Variants in PPARGC1A observed in about 807,000 individuals in gnomAD.
PPARGC1A encodes peroxisome proliferator-activated receptor gamma coactivator 1-alpha.
Under a neutral mutation model 88.7 loss-of-function variants are expected in PPARGC1A, and 25 were observed. That is an observed-to-expected ratio of 0.28 (90% CI 0.21 to 0.39). The LOEUF is 0.39. Among genes scored for constraint, PPARGC1A ranks in the 10% least tolerant of loss-of-function variants. The pLI, the probability that PPARGC1A is intolerant of heterozygous loss-of-function variation, is 1.00. For synonymous variants in PPARGC1A, 363 were observed against 355.6 expected, an observed-to-expected ratio of 1.02 and a Z score of -0.24; for missense variants, 880 against 968.7, an observed-to-expected ratio of 0.91 and a Z score of 1.22.
intron 2 of PPARGC1A, chr4:23,883,754 A>G (rs941447894): frequency 6.6e-6 from 1 of 152,222 alleles, no homozygotes; most frequent in African/African-American, 2.4e-5. Flanking sequence ...TTTAACAAAC[A>G]TTTATTCAGC....
At chr4:24,021,717 T>C in the PPARGC1A span, among the ~76,000 whole-genome samples, 1 of 152,214 alleles carries the variant, frequency 6.6e-6, no homozygotes, top group African/African-American at 2.4e-5. Context: ...TAATAACAAC[T>C]GTCCTACCTT....
At chr4:24,020,771 T>G in the PPARGC1A span, among the ~76,000 whole-genome samples, 1 of 152,142 alleles carries the variant, frequency 6.6e-6, no homozygotes, top group African/African-American at 2.4e-5. Flanking sequence ...ACCCCTTGTC[T>G]CCGAAGCCTC....
At chr4:24,030,858 A>C in the PPARGC1A span, among the ~76,000 whole-genome samples, 1 of 152,168 alleles carries the variant, frequency 6.6e-6, no homozygotes, top group African/African-American at 2.4e-5. Flanking sequence ...AGCCTCATTC[A>C]TTTGCTCACT....
chr4:24,270,235 C>T, the PPARGC1A span, among the ~76,000 whole-genome samples: 1 of 152,076 alleles, frequency 6.6e-6, no homozygotes, highest in South Asian at 2.1e-4. Context: ...GGCTCTCAGG[C>T]CTTCAGACTG....
At chr4:23,943,005 T>C in the PPARGC1A span, among the ~76,000 whole-genome samples, 1 of 152,206 alleles carries the variant, frequency 6.6e-6, no homozygotes, top group African/African-American at 2.4e-5. Context: ...TAGGTATAAT[T>C]TGAGTTGCAG....
the PPARGC1A span, among the ~76,000 whole-genome samples, chr4:24,463,928 C>T: frequency 6.6e-6 from 1 of 152,246 alleles, no homozygotes; most frequent in African/African-American, 2.4e-5. Context: ...TGACAATACT[C>T]TCAATCACCA....
chr4:23,818,885 T>G lies in PPARGC1A; in HGVS notation c.878-4280A>C, dbSNP rs534704402. On this transcript the variant is annotated intron_variant, in intron 7 of 12. Coordinates refer to ENST00000264867, the MANE Select transcript of PPARGC1A (RefSeq NM_013261.5). ...TTTTTTTTTGGAGTTTATAACATTT[T>G]GCAGAATGTACTGCAAAATCTGCAA... Among the ~76,000 whole-genome samples the G allele has an allele frequency of 2.0e-3, 281 of 139,216 alleles. 1 individual carries two copies. Among genetic ancestry groups the G allele is most frequent in the African/African-American group, 7.3e-3 (271 of 37,234 alleles). 91.3% of individuals were successfully genotyped at this position (139,216 alleles called of 152,430 possible). A position where few individuals can be genotyped will look rare whatever the true frequency, so the allele number is the denominator to read the frequency against.
At chr4:24,129,197 T>G in the PPARGC1A span, among the ~76,000 whole-genome samples, 1 of 151,026 alleles carries the variant, frequency 6.6e-6, no homozygotes, top group African/African-American at 2.4e-5. Flanking sequence ...GAAAGAGTGC[T>G]GGGAGCCGGA....
chr4:23,801,560 C>A (rs1718748508), intron 12 of PPARGC1A, among the ~76,000 whole-genome samples, 170 bp downstream of exon 12: 1 of 152,168 alleles, frequency 6.6e-6, no homozygotes, highest in African/African-American at 2.4e-5. Context: ...AAAACCTAGG[C>A]CCCTTTCTTC....
rs1717087000 is a variant in PPARGC1A at position 23,794,004 on chromosome 4, G to A, written c.*1818C>T. 1 of 152,510 alleles carries A rather than the reference G, an allele frequency of 6.6e-6. No individual in the cohort carries two copies. The highest frequency in any genetic ancestry group is 6.6e-5 in the Admixed American group (1 of 15,236). 9.4% of individuals were successfully genotyped at this position (152,510 alleles called of 1,614,324 possible). ...TGAAATATCAGTATTTATACAGGAT[G>A]CATAACTGTAAAAAATACAGATAAA... On this transcript the variant is annotated 3_prime_UTR_variant, in exon 13 of 13. Transcript: ENST00000264867.
chr4:24,222,739 C>T, the PPARGC1A span, among the ~76,000 whole-genome samples: 3 of 151,250 alleles, frequency 2.0e-5, no homozygotes, highest in Non-Finnish European at 4.4e-5. Flanking sequence ...ATTGAATCTC[C>T]TCCTTCACCT....
At chr4:24,065,570 G>C in the PPARGC1A span, among the ~76,000 whole-genome samples, 2 of 152,140 alleles carry the variant, frequency 1.3e-5, no homozygotes, top group African/African-American at 4.8e-5. Flanking sequence ...GTGCTAAAAG[G>C]TGTCTCTATT....
At chr4:24,428,233 G>A in the PPARGC1A span, among the ~76,000 whole-genome samples, 1,555 of 152,184 alleles carry the variant, frequency 0.01, 21 homozygotes, top group African/African-American at 0.036. Context: ...ATATTCGCAC[G>A]CATCCCAGCG....
chr4:24,400,229 G>A, the PPARGC1A span, among the ~76,000 whole-genome samples: 3 of 152,126 alleles, frequency 2.0e-5, no homozygotes, highest in Non-Finnish European at 2.9e-5. Flanking sequence ...GATGGGTGTC[G>A]CCAAAAGAGA....
At chr4:24,200,558 T>C in the PPARGC1A span, among the ~76,000 whole-genome samples, 6 of 149,946 alleles carry the variant, frequency 4.0e-5, no homozygotes, top group East Asian at 2.0e-4. Context: ...TAGCTTTCTA[T>C]AGAGTAGCAG....
the PPARGC1A span, among the ~76,000 whole-genome samples, chr4:24,147,633 C>T: frequency 6.6e-6 from 1 of 152,098 alleles, no homozygotes; most frequent in East Asian, 1.9e-4. Flanking sequence ...GGCCAATTAG[C>T]TCAAATTCTT....
At chr4:23,824,854 C>G (rs576463927) in intron 5 of PPARGC1A, among the ~76,000 whole-genome samples, 2 of 152,174 alleles carry the variant, frequency 1.3e-5, no homozygotes, top group South Asian at 4.1e-4. Flanking sequence ...GACAAGAAAA[C>G]AGCAGAGCAA....
At chr4:24,154,102 A>T in the PPARGC1A span, among the ~76,000 whole-genome samples, 2 of 150,726 alleles carry the variant, frequency 1.3e-5, no homozygotes, top group Non-Finnish European at 2.9e-5. Context: ...TGTTATTTTT[A>T]ATTTTCTTCC....
At chr4:24,379,101 T>C in the PPARGC1A span, among the ~76,000 whole-genome samples, 1 of 152,194 alleles carries the variant, frequency 6.6e-6, no homozygotes, top group Non-Finnish European at 1.5e-5. Context: ...CAAAGCTTTA[T>C]CATATTAAAA....
Sources: allele counts gnomAD v4.1 joint callset (sites outside exome capture counted in the v4.1 genomes callset), GRCh38; gene constraint gnomAD v4.1.1; transcripts MANE v1.5; gene names NCBI Gene and HGNC (gene_info 2026-07-23, HGNC 2026-07-21).